Variants in CDKAL1 observed in about 807,000 individuals in gnomAD.
The protein encoded by CDKAL1 is threonylcarbamoyladenosine tRNA methylthiotransferase.
A neutral mutation model predicts 68.2 loss-of-function variants in CDKAL1; 32 were observed. That is an observed-to-expected ratio of 0.47 (90% CI 0.35 to 0.63). The LOEUF (loss-of-function observed/expected upper bound fraction) is 0.63. Among genes scored for constraint, CDKAL1 ranks in the 30% least tolerant of loss-of-function variants. CDKAL1 has a pLI of 0.00. For synonymous variants in CDKAL1, 234 were observed against 244.3 expected, an observed-to-expected ratio of 0.96 and a Z score of 0.39; for missense variants, 606 against 696.7, an observed-to-expected ratio of 0.87 and a Z score of 1.47.
intron 9 of CDKAL1, among the ~76,000 whole-genome samples, chr6:20,894,557 A>G (rs1761578769): frequency 6.6e-6 from 1 of 152,176 alleles, no homozygotes; most frequent in Admixed American, 6.5e-5. Context: ...TATAAAGGCT[A>G]CACTTCTGAA....
At chr6:20,589,657 A>G (rs964177232) in intron 4 of CDKAL1, among the ~76,000 whole-genome samples, 5 of 152,240 alleles carry the variant, frequency 3.3e-5, no homozygotes, top group African/African-American at 1.2e-4. Flanking sequence ...TTGAATTCAG[A>G]AAAAGAACAT....
At chr6:20,725,770 G>A (rs968259340) in intron 5 of CDKAL1, among the ~76,000 whole-genome samples, 8 of 139,048 alleles carry the variant, frequency 5.8e-5, no homozygotes, top group Non-Finnish European at 9.1e-5. Flanking sequence ...GGCAACAAGA[G>A]TGAAACTCCG....
At chr6:21,082,252 A>G (rs1230245980) in intron 12 of CDKAL1, among the ~76,000 whole-genome samples, 2 of 145,472 alleles carry the variant, frequency 1.4e-5, no homozygotes, top group Admixed American at 6.9e-5. Flanking sequence ...AGAAGTGTGG[A>G]TAAGATAAGA....
intron 8 of CDKAL1, among the ~76,000 whole-genome samples, chr6:20,788,049 T>C (rs1180299872): frequency 6.6e-6 from 1 of 152,208 alleles, no homozygotes; most frequent in Non-Finnish European, 1.5e-5. Flanking sequence ...TCGACTGTCT[T>C]TTATGCTATT....
intron 12 of CDKAL1, among the ~76,000 whole-genome samples, chr6:21,106,940 CTT>C (rs5874802): frequency 2.6e-5 from 3 of 117,288 alleles, no homozygotes; most frequent in Non-Finnish European, 1.7e-5. Flanking sequence ...GAGAAAGCCA[CTT>C]TTTTTTTTTT....
chr6:20,843,498 G>T (rs1778256640), intron 8 of CDKAL1, among the ~76,000 whole-genome samples: 1 of 151,886 alleles, frequency 6.6e-6, no homozygotes, highest in Non-Finnish European at 1.5e-5. Flanking sequence ...CAGATAGATA[G>T]ATAGATATCC....
intron 5 of CDKAL1, among the ~76,000 whole-genome samples, chr6:20,729,924 A>G (rs924365048): frequency 5.3e-5 from 8 of 152,190 alleles, no homozygotes; most frequent in Non-Finnish European, 8.8e-5. Context: ...TAAGCCTGGT[A>G]GCATGCTTGT....
In CDKAL1 at chr6:20,677,582, A is replaced by G. The variant is rs539786479; in HGVS notation, c.371+28205A>G. On this transcript the variant is annotated intron_variant, in intron 5 of 15. Transcript: ENST00000274695. Reference sequence around the variant, plus strand: ...TACAGTCATACCCCACACCAGGGTAATTTTTGTATTTTTAGTAGAGACAGA... The same window carrying G: ...TACAGTCATACCCCACACCAGGGTAGTTTTTGTATTTTTAGTAGAGACAGA... Among the ~76,000 whole-genome samples, 18 of 151,864 alleles carry G rather than the reference A, an allele frequency of 1.2e-4. No homozygotes were observed. The South Asian group carries it at 3.5e-3, about 30-fold the overall frequency.
rs114224863 is a variant in CDKAL1 at position 21,058,899 on chromosome 6, G to A, written c.1056-6149G>A. 2.6e-3 allele frequency among the ~76,000 whole-genome samples: 393 copies of A among 152,306 alleles called. 1 individual carries two copies. The highest frequency in any genetic ancestry group is 0.014 in the Middle Eastern group (4 of 294). Reference sequence around the variant, plus strand: ...TCACCTAGTCAGGAAGCACAGGATCGGAGACCTGCTTAATGAAGCACTCTG... The same window carrying A: ...TCACCTAGTCAGGAAGCACAGGATCAGAGACCTGCTTAATGAAGCACTCTG... On this transcript the variant is annotated intron_variant, in intron 11 of 15. Coordinates refer to ENST00000274695, the MANE Select transcript of CDKAL1 (RefSeq NM_017774.3).
chr6:20,594,213 T>A (rs1036721239), intron 4 of CDKAL1, among the ~76,000 whole-genome samples: 14 of 152,222 alleles, frequency 9.2e-5, no homozygotes, highest in African/African-American at 3.4e-4. Context: ...AGAGCTGAGT[T>A]CAAGTCCTGA....
chr6:20,549,056 C>G lies in CDKAL1; in HGVS notation c.286+351C>G, dbSNP rs575566236. Among the ~76,000 whole-genome samples the G allele has an allele frequency of 8.5e-5, 13 of 152,146 alleles. No individual in the cohort carries two copies. In the East Asian group the frequency reaches 2.3e-3, roughly 27 times the overall value. ...ACTGTAGATCGTATTTGAATTTTAC[C>G]AGTTTTCCCATTAACTTCCTTTTTC... On this transcript the variant is annotated intron_variant, in intron 4 of 15. Transcript: ENST00000274695.
intron 11 of CDKAL1, among the ~76,000 whole-genome samples, chr6:21,043,216 T>C (rs1479366832): frequency 6.6e-6 from 1 of 152,214 alleles, no homozygotes; most frequent in Non-Finnish European, 1.5e-5. Flanking sequence ...AATGTCTGCC[T>C]TCCATGATAT....
At chr6:20,744,251 A>T (rs1773574059) in intron 6 of CDKAL1, among the ~76,000 whole-genome samples, 3 of 152,174 alleles carry the variant, frequency 2.0e-5, no homozygotes, top group Non-Finnish European at 4.4e-5. Context: ...TTTCTTTTAG[A>T]TTAGTTAACC....
intron 9 of CDKAL1, among the ~76,000 whole-genome samples, chr6:20,901,250 C>T (rs1761946365): frequency 6.6e-6 from 1 of 151,918 alleles, no homozygotes; most frequent in South Asian, 2.1e-4. Flanking sequence ...TGTTTTTTTC[C>T]TCTTGGATTT....
intron 7 of CDKAL1, among the ~76,000 whole-genome samples, chr6:20,763,488 AAGTT>A (rs1774559243): frequency 6.6e-6 from 1 of 152,142 alleles, no homozygotes; most frequent in Admixed American, 6.6e-5. Flanking sequence ...GATTGATAAG[AAGTT>A]AGCTGTGGAG....
At chr6:20,891,811 G>A (rs1761420015) in intron 9 of CDKAL1, among the ~76,000 whole-genome samples, 2 of 152,144 alleles carry the variant, frequency 1.3e-5, no homozygotes, top group Non-Finnish European at 2.9e-5. Flanking sequence ...GGGATTACAG[G>A]CGTGAGCCAC....
chr6:21,139,477 C>G (rs2151032136), intron 13 of CDKAL1, among the ~76,000 whole-genome samples: 1 of 152,278 alleles, frequency 6.6e-6, no homozygotes, highest in East Asian at 1.9e-4. Flanking sequence ...TAACTTCTAC[C>G]TTTAGTGCAA....
intron 9 of CDKAL1, among the ~76,000 whole-genome samples, chr6:20,915,354 G>A (rs1156426022): frequency 6.6e-6 from 1 of 152,068 alleles, no homozygotes; most frequent in Non-Finnish European, 1.5e-5. Flanking sequence ...TGGCTCTCAC[G>A]ACTGTGGGAA....
chr6:21,217,953 A>T (rs945110278), intron 15 of CDKAL1, among the ~76,000 whole-genome samples: 6 of 152,200 alleles, frequency 3.9e-5, no homozygotes, highest in Admixed American at 2.0e-4. Context: ...AGAGTCAATT[A>T]TATGTGAAGC....
Sources: allele counts gnomAD v4.1 joint callset (sites outside exome capture counted in the v4.1 genomes callset), GRCh38; gene constraint gnomAD v4.1.1; transcripts MANE v1.5; gene names NCBI Gene and HGNC (gene_info 2026-07-23, HGNC 2026-07-21).